KCNQ5: variants seen among roughly 807,000 people sequenced by gnomAD.
KCNQ5 encodes the protein potassium voltage-gated channel subfamily KQT member 5.
Under a neutral mutation model 98.2 loss-of-function variants are expected in KCNQ5, and 30 were observed. The ratio of observed to expected loss-of-function variants is 0.31; its 90% CI spans 0.23 to 0.41. KCNQ5 has a LOEUF of 0.41. KCNQ5 is among the 10% of genes least tolerant of loss of function. KCNQ5 has a pLI of 1.00. For missense variants in KCNQ5, 835 were observed against 1,182.5 expected (o/e 0.71, Z 4.31); for synonymous variants, 458 against 449.4 (o/e 1.02, Z -0.24).
At chr6:72,964,952 T>A (rs1582100857) in intron 1 of KCNQ5, among the ~76,000 whole-genome samples, 3 of 152,234 alleles carry the variant, frequency 2.0e-5, no homozygotes, top group East Asian at 3.9e-4. Context: ...TAAAAAAAAA[T>A]TCTTTTTTGG....
In KCNQ5 at chr6:73,171,560, A is replaced by G. The variant is rs1161927789; in HGVS notation, c.1577+1706A>G. 3.1e-4 allele frequency among the ~76,000 whole-genome samples: 47 copies of G among 152,222 alleles called. 1 individual carries two copies. Among genetic ancestry groups the G allele is most frequent in the Admixed American group, 3.1e-3 (47 of 15,280 alleles). ...ACTTGAGGCTACTGAGGCTATTTAA[A>G]TTTGAATTAATTAAAATGAAATACA... On this transcript the variant is annotated intron_variant, in intron 11 of 13. Coordinates refer to ENST00000370398, the MANE Select transcript of KCNQ5 (RefSeq NM_019842.4).
At chr6:72,716,090 A>C (rs184565752) in intron 1 of KCNQ5, among the ~76,000 whole-genome samples, 96 of 152,304 alleles carry the variant, frequency 6.3e-4, no homozygotes, top group Non-Finnish European at 8.1e-4. Context: ...TCTTGTTCTT[A>C]ACTCAAATGT....
chr6:73,165,683 G>A lies in KCNQ5; in HGVS notation c.1469-4063G>A, dbSNP rs561294412. On this transcript the variant is annotated intron_variant, in intron 10 of 13. Transcript: ENST00000370398. ...AGGGCAGCCCCATGTGGTGGTTCAC[G>A]CCTGTAATCCCAGCACTTTGGGAGG... is the stretch of plus-strand genomic sequence containing the variant. 2.4e-3 allele frequency among the ~76,000 whole-genome samples: 373 copies of A among 152,272 alleles called. 3 individuals carry two copies. Among genetic ancestry groups the A allele is most frequent in the Admixed American group, 4.1e-3 (63 of 15,300 alleles).
At chr6:72,638,996 CTG>C (rs2098925736) in intron 1 of KCNQ5, among the ~76,000 whole-genome samples, 1 of 152,178 alleles carries the variant, frequency 6.6e-6, no homozygotes, top group South Asian at 2.1e-4. Flanking sequence ...GCAAGTGTGA[CTG>C]TGACCACGCA....
chr6:72,784,453 A>G (rs1773637490), intron 1 of KCNQ5, among the ~76,000 whole-genome samples: 1 of 152,190 alleles, frequency 6.6e-6, no homozygotes, highest in Non-Finnish European at 1.5e-5. Context: ...ATTATAAACA[A>G]TAGTTACTCT....
At chr6:72,837,836 T>G (rs1007718634) in intron 1 of KCNQ5, among the ~76,000 whole-genome samples, 1 of 152,204 alleles carries the variant, frequency 6.6e-6, no homozygotes, top group Non-Finnish European at 1.5e-5. Flanking sequence ...AAACATGTTA[T>G]AGGTTTTTTA....
intron 1 of KCNQ5, among the ~76,000 whole-genome samples, chr6:72,717,096 T>G (rs1199054056): frequency 6.6e-6 from 1 of 152,214 alleles, no homozygotes; most frequent in African/African-American, 2.4e-5. Context: ...CCCCATGTAG[T>G]GGAATCTCAC....
At chr6:72,979,890 A>G (rs1046173202) in intron 1 of KCNQ5, among the ~76,000 whole-genome samples, 1 of 152,234 alleles carries the variant, frequency 6.6e-6, no homozygotes, top group Non-Finnish European at 1.5e-5. Flanking sequence ...AGCTTTCTAC[A>G]TATGGCTAGC....
chr6:72,769,072 G>T lies in KCNQ5; in HGVS notation c.398+146485G>T, dbSNP rs533661736. On this transcript the variant is annotated intron_variant, in intron 1 of 13. Coordinates refer to ENST00000370398, the MANE Select transcript of KCNQ5 (RefSeq NM_019842.4). Reference sequence around the variant, plus strand: ...CTCAAGTAGTACTCTCCTTTCCTCAGATACTTTGCTTTTCCTATTTCCACG... The same window carrying T: ...CTCAAGTAGTACTCTCCTTTCCTCATATACTTTGCTTTTCCTATTTCCACG... 2.4e-4 allele frequency among the ~76,000 whole-genome samples: 37 copies of T among 152,134 alleles called. No individual in the cohort carries two copies. The South Asian group carries it at 7.7e-3, about 31-fold the overall frequency.
chr6:73,093,481 C>T (rs2150407407), intron 5 of KCNQ5, among the ~76,000 whole-genome samples: 1 of 152,022 alleles, frequency 6.6e-6, no homozygotes, highest in African/African-American at 2.4e-5. Flanking sequence ...TCTCTAGTTC[C>T]TTGAGGTGTG....
chr6:72,718,797 T>C (rs1052010888), intron 1 of KCNQ5, among the ~76,000 whole-genome samples: 1 of 152,132 alleles, frequency 6.6e-6, no homozygotes, highest in African/African-American at 2.4e-5. Flanking sequence ...GCATTTGGGG[T>C]ACCTAGACAA....
At chr6:72,953,735 G>A (rs1228152459) in intron 1 of KCNQ5, among the ~76,000 whole-genome samples, 1 of 152,200 alleles carries the variant, frequency 6.6e-6, no homozygotes, top group African/African-American at 2.4e-5. Context: ...AGGATAGACA[G>A]AGTCAGGAGT....
chr6:72,740,208 G>GTA (rs1771059181), intron 1 of KCNQ5, among the ~76,000 whole-genome samples: 1 of 152,120 alleles, frequency 6.6e-6, no homozygotes, highest in African/African-American at 2.4e-5. Flanking sequence ...TATTTACTAA[G>GTA]TACTTCTTAT....
At chr6:73,031,874 A>AG (rs1419501148) in intron 2 of KCNQ5, among the ~76,000 whole-genome samples, 3 of 152,224 alleles carry the variant, frequency 2.0e-5, no homozygotes, top group Non-Finnish European at 4.4e-5. Flanking sequence ...CTGGAAATCA[A>AG]GGGACCTCCC....
intron 11 of KCNQ5, among the ~76,000 whole-genome samples, chr6:73,186,638 G>A (rs1442373935): frequency 6.6e-6 from 1 of 151,608 alleles, no homozygotes; most frequent in African/African-American, 2.4e-5. Context: ...CGCAATAGAT[G>A]TGAACAACTC....
At position 72,979,203 on chromosome 6, in the gene KCNQ5, T is replaced by A. The variant is rs574698910; in HGVS notation, c.399-24705T>A. ...TTGGGTATATACCCAGTAATGGGAA[T>A]GCTGGGTGAAATGGTATTTCTAGTT... On this transcript the variant is annotated intron_variant, in intron 1 of 13. Coordinates refer to ENST00000370398, the MANE Select transcript of KCNQ5 (RefSeq NM_019842.4). 1.0e-3 allele frequency among the ~76,000 whole-genome samples: 156 copies of A among 152,346 alleles called. 3 individuals are homozygous for A. Among genetic ancestry groups the A allele is most frequent in the Admixed American group, 0.01 (155 of 15,296 alleles).
intron 1 of KCNQ5, among the ~76,000 whole-genome samples, chr6:72,882,391 C>A (rs76972090): frequency 6.6e-6 from 1 of 152,084 alleles, no homozygotes; most frequent in Admixed American, 6.5e-5. Context: ...GAGCAGGGTA[C>A]GGGCATCAAC....
intron 7 of KCNQ5, among the ~76,000 whole-genome samples, chr6:73,114,302 CA>C (rs1274052482): frequency 6.6e-6 from 1 of 152,158 alleles, no homozygotes; most frequent in Non-Finnish European, 1.5e-5. Flanking sequence ...CCATCAAGCC[CA>C]AAAGCGTCTC....
intron 1 of KCNQ5, among the ~76,000 whole-genome samples, chr6:72,918,337 A>G (rs758916268): frequency 6.6e-6 from 1 of 151,832 alleles, no homozygotes; most frequent in Non-Finnish European, 1.5e-5. Context: ...ACTTTGTGGA[A>G]CTCTTTGTCT....
Sources: gnomAD v4.1 joint callset for allele counts (sites outside exome capture counted in the v4.1 genomes callset) on GRCh38, gnomAD v4.1.1 for gene constraint, MANE v1.5 for transcripts, NCBI Gene and HGNC (gene_info 2026-07-23, HGNC 2026-07-21) for gene names.